The following EGFL6 variants were observed in gnomAD, a reference collection of about 807,000 sequenced individuals.
EGFL6 encodes the protein EGF like domain multiple 6.
EGFL6 carries 42 observed loss-of-function variants against 43.1 expected under a neutral mutation model. The ratio of observed to expected loss-of-function variants is 0.98; its 90% confidence interval spans 0.76 to 1.26. The LOEUF is 1.26. Among genes scored for constraint, EGFL6 ranks in the 50% most tolerant of loss-of-function variants. The pLI is 0.00. For missense variants in EGFL6, 429 were observed against 427.8 expected (o/e 1.00, Z -0.02); for synonymous variants, 164 against 163.2 (o/e 1.01, Z -0.04).
At chrX:13,604,489 G>C (rs964380142) in intron 5 of EGFL6, among the ~76,000 whole-genome samples, 1 of 111,187 alleles carries the variant, frequency 9.0e-6, no homozygotes, top group Non-Finnish European at 1.9e-5. Context: ...AGCCTGGGTC[G>C]GGAGCAAAGC....
chrX:13,617,982 AG>A lies in EGFL6; in HGVS notation c.1033del (p.Asp345MetfsTer9). 1 of 1,211,958 alleles carries A rather than the reference AG, an allele frequency of 8.3e-7. No homozygotes were observed. The highest frequency in any genetic ancestry group is 1.1e-6 in the Non-Finnish European group (1 of 895,557). ...GAAGAGAAAATGAAAGAGGGGCTTG[AG>A]GATGAGAAAAGAGAAGAGAAAGCCC... ...GNEEKMKEGL[E>X]DEKREEKALK... On this transcript the variant is annotated frameshift_variant, in exon 8 of 12. Coordinates refer to ENST00000361306, the MANE Select transcript of EGFL6 (RefSeq NM_015507.4). LOFTEE classifies it high-confidence loss of function.
Position 13,627,074 on chromosome X carries a change from A to G in EGFL6, c.1349A>G (p.Lys450Arg). Residue 450 changes from lysine to arginine, a missense_variant, in exon 11 of 12, where the codon AAA becomes AGA. Lys to Arg is a conservative substitution (Grantham distance 26). Transcript: ENST00000361306. The stretch of plus-strand genomic sequence containing the variant: ...CACAAGAAAGACATTGGCCGATTGA[A>G]ACTTCTCCTACCTGACCTGCAACCC... ...AGHKKDIGRLKLLLPDLQPQS... is the reference protein window; with the variant it reads ...AGHKKDIGRLRLLLPDLQPQS... The G allele has an allele frequency of 8.2e-7, 1 of 1,212,207 alleles. No individual in the cohort carries two copies. The highest frequency in any genetic ancestry group is 1.1e-6 in the Non-Finnish European group (1 of 895,615).
intron 7 of EGFL6, among the ~76,000 whole-genome samples, chrX:13,611,543 T>C (rs1162277160): frequency 5.3e-5 from 6 of 112,252 alleles, no homozygotes; most frequent in Admixed American, 9.4e-5. Context: ...TTTGATCCCC[T>C]TAAACCGCAA....
At chrX:13,596,154 A>G (rs756460709) in intron 3 of EGFL6, 2 of 112,526 alleles carry the variant, frequency 1.8e-5, no homozygotes, top group Non-Finnish European at 3.7e-5. Flanking sequence ...GCCAGATAAA[A>G]TACAGATACC....
chrX:13,597,091 C>T (rs943027300), intron 3 of EGFL6, among the ~76,000 whole-genome samples: 61 of 111,857 alleles, frequency 5.5e-4, no homozygotes, highest in African/African-American at 1.6e-3. Flanking sequence ...CCAGGGATGC[C>T]GCTAAACATC....
chrX:13,586,332 G>A, intron 1 of EGFL6, among the ~76,000 whole-genome samples: 1 of 112,123 alleles, frequency 8.9e-6, no homozygotes, highest in African/African-American at 3.2e-5. Flanking sequence ...AAACAGTCGG[G>A]CAGTTCTTCA....
intron 9 of EGFL6, among the ~76,000 whole-genome samples, chrX:13,622,549 G>A (rs1249277015): frequency 4.5e-5 from 5 of 111,884 alleles, no homozygotes; most frequent in African/African-American, 9.8e-5. Flanking sequence ...GCTAGCCTTA[G>A]TTATAAATAA....
At chrX:13,613,615 G>T (rs2045704124) in intron 7 of EGFL6, among the ~76,000 whole-genome samples, 1 of 111,454 alleles carries the variant, frequency 9.0e-6, no homozygotes, top group Admixed American at 9.6e-5. Flanking sequence ...GCAAAATAGG[G>T]ATGATAGTAT....
intron 4 of EGFL6, 124 bp from the exon 5 acceptor site, chrX:13,603,193 G>A: frequency 1.2e-6 from 1 of 844,351 alleles, no homozygotes; most frequent in South Asian, 3.4e-5. Context: ...CTCAGACAAT[G>A]AAACTTGTCC....
chrX:13,631,073 A>G (rs1401394670), intron 11 of EGFL6, among the ~76,000 whole-genome samples: 1 of 112,801 alleles, frequency 8.9e-6, no homozygotes, highest in Admixed American at 9.4e-5. Context: ...ACATGAATGT[A>G]TATTTTTATT....
At chrX:13,576,252 C>G (rs150828694) in intron 1 of EGFL6, among the ~76,000 whole-genome samples, 245 of 111,432 alleles carry the variant, frequency 2.2e-3, no homozygotes, top group African/African-American at 6.7e-3. Flanking sequence ...ATGGCAAAAG[C>G]AGGAGCAAGG....
intron 9 of EGFL6, among the ~76,000 whole-genome samples, chrX:13,622,981 T>G (rs765489610): frequency 9.1e-6 from 1 of 110,194 alleles, no homozygotes; most frequent in East Asian, 2.8e-4. Flanking sequence ...GCCCAGGAGT[T>G]CAAGACCAGC....
intron 1 of EGFL6, among the ~76,000 whole-genome samples, chrX:13,583,016 A>G (rs1242306836): frequency 9.0e-6 from 1 of 111,627 alleles, no homozygotes; most frequent in Non-Finnish European, 1.9e-5. Flanking sequence ...TGTGTATTAC[A>G]AAATTCTTGA....
At chrX:13,631,503 C>T (rs148905008) in intron 11 of EGFL6, among the ~76,000 whole-genome samples, 4,693 of 111,274 alleles carry the variant, frequency 0.042, 170 homozygotes, top group East Asian at 0.12. Flanking sequence ...TCATTCAGGC[C>T]GGGCGCAGTG....
Position 13,569,718 on chromosome X carries a change from T to A in EGFL6, c.-144T>A, listed in dbSNP as rs1223467738. ...CGGTGCCTGGCCTCCCCTCCCAGAC[T>A]GCAGGGACAGCACCCGGTAACTGCG... On this transcript the variant is annotated 5_prime_UTR_variant, in exon 1 of 12. Coordinates refer to ENST00000361306, the MANE Select transcript of EGFL6 (RefSeq NM_015507.4). 1.4e-5 allele frequency: 8 copies of A among 585,706 alleles called. No homozygotes were observed. Among genetic ancestry groups the A allele is most frequent in the Non-Finnish European group, 2.1e-5 (8 of 372,280 alleles). 48.3% of individuals were successfully genotyped at this position (585,706 alleles called of 1,213,427 possible).
intron 1 of EGFL6, among the ~76,000 whole-genome samples, chrX:13,578,338 A>C (rs1422262603): frequency 9.3e-6 from 1 of 108,049 alleles, no homozygotes; most frequent in Non-Finnish European, 1.9e-5. Flanking sequence ...GTGGGACTGT[A>C]AACTAGTTCA....
In EGFL6 at chrX:13,627,062, T is replaced by C. The variant is rs146597229; in HGVS notation, c.1337T>C (p.Ile446Thr). Residue 446 changes from isoleucine to threonine, a missense_variant, in exon 11 of 12, where the codon ATT becomes ACT. Ile to Thr is a moderately conservative substitution (Grantham distance 89, BLOSUM62 -1). Coordinates refer to ENST00000361306, the MANE Select transcript of EGFL6 (RefSeq NM_015507.4). ...GCCTTGGCAGGTCACAAGAAAGACA[T>C]TGGCCGATTGAAACTTCTCCTACCT... is the stretch of plus-strand genomic sequence containing the variant. ...VPALAGHKKD[I>T]GRLKLLLPDL... 5.6e-4 allele frequency: 684 copies of C among 1,210,846 alleles called. No homozygotes were observed. The African/African-American group carries it at 9.2e-3, about 16-fold the overall frequency.
chrX:13,587,107 G>A, intron 1 of EGFL6, among the ~76,000 whole-genome samples: 1 of 111,898 alleles, frequency 8.9e-6, no homozygotes, highest in East Asian at 2.8e-4. Flanking sequence ...ATAGGTATAG[G>A]GTTTATTTTT....
Position 13,569,823 on chromosome X carries a change from G to A in EGFL6, c.-39G>A. 8.3e-7 allele frequency: 1 copy of A among 1,202,369 alleles called. No individual in the cohort carries two copies. Among genetic ancestry groups the A allele is most frequent in the Non-Finnish European group, 1.1e-6 (1 of 887,426 alleles). ...TACGGGGTCCGGCCGGCGCCCTCCC[G>A]AGGGGGGCTCAGGAGGAGGAAGGAG... On this transcript the variant is annotated 5_prime_UTR_variant, in exon 1 of 12. Coordinates refer to ENST00000361306, the MANE Select transcript of EGFL6 (RefSeq NM_015507.4).
Sources: allele counts gnomAD v4.1 joint callset (sites outside exome capture counted in the v4.1 genomes callset), GRCh38; gene constraint gnomAD v4.1.1; transcripts MANE v1.5; gene names NCBI Gene and HGNC (gene_info 2026-07-23, HGNC 2026-07-21).